Variants in SENP7 observed in about 807,000 individuals in gnomAD.
The protein encoded by SENP7 is SUMO specific peptidase 7.
Under a neutral mutation model 141.2 loss-of-function variants are expected in SENP7, and 64 were observed. That is an observed-to-expected ratio of 0.45 (90% CI 0.37 to 0.56). The LOEUF is 0.56. SENP7 is among the 20% of genes least tolerant of loss of function. The probability of loss-of-function intolerance (pLI) is 0.00; values close to 1 mark genes in which losing one functional copy is unlikely to be tolerated. For synonymous variants in SENP7, 382 were observed against 426.4 expected (o/e 0.90, Z 1.28); for missense variants, 1,025 against 1,212.2 (o/e 0.85, Z 2.29).
At chr3:101,375,542 CCAAAA>C (rs1164998080) in intron 6 of SENP7, among the ~76,000 whole-genome samples, 25 of 25,504 alleles carry the variant, frequency 9.8e-4, no homozygotes, top group African/African-American at 4.7e-3. Context: ...AATTCCATCT[CCAAAA>C]AAAAAAAAAA....
intron 2 of SENP7, 54 bp downstream of exon 2, chr3:101,501,016 T>C: frequency 8.3e-7 from 1 of 1,198,156 alleles, no homozygotes; most frequent in East Asian, 2.4e-5. Flanking sequence ...AGCAAAATAC[T>C]TTCAATATCA....
rs201816564 is a variant in SENP7 at position 101,451,938 on chromosome 3, T to C, written c.284+7017A>G. Among the ~76,000 whole-genome samples, 749 of 152,322 alleles carry C rather than the reference T, an allele frequency of 4.9e-3. 5 individuals are homozygous for C. Among genetic ancestry groups the C allele is most frequent in the East Asian group, 0.015 (78 of 5,192 alleles). On this transcript the variant is annotated intron_variant, in intron 4 of 23. Coordinates refer to ENST00000394095, the MANE Select transcript of SENP7 (RefSeq NM_020654.5). ...AAGTCAAATTGTCCCTGTTTGCAGATGACATGATTGTATATCTAGAAAACC... is the reference window on the plus strand; with the variant it reads ...AAGTCAAATTGTCCCTGTTTGCAGACGACATGATTGTATATCTAGAAAACC...
At chr3:101,493,309 C>T (rs372100270) in intron 3 of SENP7, among the ~76,000 whole-genome samples, 6 of 151,960 alleles carry the variant, frequency 3.9e-5, no homozygotes, top group African/African-American at 1.2e-4. Flanking sequence ...AATATCTGGG[C>T]GATGAAATAA....
intron 19 of SENP7, 53 bp from the exon 20 acceptor site, chr3:101,330,439 G>A: frequency 8.1e-7 from 1 of 1,235,556 alleles, no homozygotes. Context: ...TTTTTATACA[G>A]GTAACTTAGA....
chr3:101,358,055 C>T, intron 11 of SENP7: 5 of 648,040 alleles, frequency 7.7e-6, no homozygotes, highest in East Asian at 5.3e-5. Flanking sequence ...ATCCTCAACC[C>T]TTATTAAACA....
At chr3:101,510,808 C>T (rs918258330) in intron 1 of SENP7, among the ~76,000 whole-genome samples, 4 of 139,308 alleles carry the variant, frequency 2.9e-5, no homozygotes, top group Non-Finnish European at 6.1e-5. Context: ...TGTGCCACTG[C>T]GCTCCAGCCT....
At chr3:101,432,059 C>T (rs1222631968) in intron 4 of SENP7, among the ~76,000 whole-genome samples, 2 of 152,134 alleles carry the variant, frequency 1.3e-5, no homozygotes, top group African/African-American at 4.8e-5. Flanking sequence ...GGGGAGCTCA[C>T]TGCCCTAAAG....
chr3:101,406,433 T>C (rs2061307840), intron 5 of SENP7, among the ~76,000 whole-genome samples: 1 of 144,674 alleles, frequency 6.9e-6, no homozygotes, highest in Non-Finnish European at 1.5e-5. Flanking sequence ...GGGCCTGTTG[T>C]GGAGTGGGGG....
At chr3:101,436,634 C>A (rs925675555) in intron 4 of SENP7, among the ~76,000 whole-genome samples, 1 of 148,582 alleles carries the variant, frequency 6.7e-6, no homozygotes, top group Non-Finnish European at 1.5e-5. Context: ...GATATTTTTC[C>A]AAAAAAAAAG....
intron 4 of SENP7, among the ~76,000 whole-genome samples, chr3:101,421,721 G>A (rs182857862): frequency 2.7e-3 from 405 of 152,098 alleles, no homozygotes; most frequent in Non-Finnish European, 4.2e-3. Flanking sequence ...AAAAATATCC[G>A]GCAACAGAAG....
intron 10 of SENP7, among the ~76,000 whole-genome samples, chr3:101,364,434 T>C (rs1192136993): frequency 2.0e-5 from 3 of 152,202 alleles, no homozygotes; most frequent in Non-Finnish European, 4.4e-5. Flanking sequence ...CCATGTTCTT[T>C]CCTCTATATC....
chr3:101,408,393 G>A (rs754148406), intron 5 of SENP7, among the ~76,000 whole-genome samples: 1 of 151,858 alleles, frequency 6.6e-6, no homozygotes, highest in Non-Finnish European at 1.5e-5. Context: ...GACACTATTC[G>A]ACAAGATAGA....
chr3:101,465,010 C>T (rs1255141316), intron 3 of SENP7, among the ~76,000 whole-genome samples: 1 of 152,236 alleles, frequency 6.6e-6, no homozygotes, highest in Non-Finnish European at 1.5e-5. Flanking sequence ...CCCACCACTA[C>T]TGGCACCCAC....
chr3:101,409,925 T>A (rs4683898), intron 5 of SENP7, among the ~76,000 whole-genome samples: 60,395 of 151,972 alleles, frequency 0.4, 12,510 homozygotes, highest in Admixed American at 0.54. Context: ...AAAAACAAAG[T>A]TAAATTGCTC....
intron 4 of SENP7, among the ~76,000 whole-genome samples, chr3:101,456,713 A>C (rs1399618352): frequency 6.6e-6 from 1 of 152,218 alleles, no homozygotes; most frequent in African/African-American, 2.4e-5. Context: ...TGTTATCCCA[A>C]AGAACCTGTG....
Position 101,477,823 on chromosome 3 carries a change from C to T in SENP7, c.186+16050G>A, listed in dbSNP as rs564644071. Among the ~76,000 whole-genome samples the T allele has an allele frequency of 2.0e-5, 3 of 151,156 alleles. No homozygotes were observed. The South Asian group carries it at 6.3e-4, about 32-fold the overall frequency. On this transcript the variant is annotated intron_variant, in intron 3 of 23. Coordinates refer to ENST00000394095, the MANE Select transcript of SENP7 (RefSeq NM_020654.5). ...CCAAGATCACGCCACTGCACTCCAG[C>T]CTGGGTGGCAGAGTGAGTCTCCATC...
intron 3 of SENP7, among the ~76,000 whole-genome samples, chr3:101,484,033 A>C (rs1378499874): frequency 1.3e-5 from 2 of 152,206 alleles, no homozygotes; most frequent in African/African-American, 2.4e-5. Context: ...TCTAAAAAAA[A>C]AAATTAACTC....
At chr3:101,459,502 A>G (rs1462480815) in intron 3 of SENP7, among the ~76,000 whole-genome samples, 4 of 152,202 alleles carry the variant, frequency 2.6e-5, no homozygotes, top group Non-Finnish European at 2.9e-5. Flanking sequence ...TTTAGATTAA[A>G]TATGACTAGA....
chr3:101,386,123 C>G lies in SENP7; in HGVS notation c.677+12738G>C, dbSNP rs2060644466. 2.0e-5 allele frequency among the ~76,000 whole-genome samples: 3 copies of G among 152,274 alleles called. No homozygotes were observed. In the South Asian group the frequency reaches 6.2e-4, roughly 32 times the overall value. On this transcript the variant is annotated intron_variant, in intron 6 of 23. Transcript: ENST00000394095. ...CCTCCTCCACAATTAAGAACCAAAA[C>G]AGCTGTTAGATAACCACCTATCAAA...
Sources: gnomAD v4.1 joint callset for allele counts (sites outside exome capture counted in the v4.1 genomes callset) on GRCh38, gnomAD v4.1.1 for gene constraint, MANE v1.5 for transcripts, NCBI Gene and HGNC (gene_info 2026-07-23, HGNC 2026-07-21) for gene names.